Variants in INPPL1 observed in about 807,000 individuals in gnomAD.
INPPL1 encodes the protein phosphatidylinositol 3,4,5-trisphosphate 5-phosphatase 2.
INPPL1 carries 91 observed loss-of-function variants against 139.3 expected under a neutral mutation model. The ratio of observed to expected loss-of-function variants is 0.65; its 90% confidence interval spans 0.55 to 0.78. The LOEUF (loss-of-function observed/expected upper bound fraction) is 0.78, where lower values mean the gene tolerates loss of function less well. Among genes scored for constraint, INPPL1 ranks in the 30% least tolerant of loss-of-function variants. The probability of loss-of-function intolerance (pLI) is 0.00; values close to 1 mark genes in which losing one functional copy is unlikely to be tolerated. For synonymous variants in INPPL1, 719 were observed against 686.6 expected, an observed-to-expected ratio of 1.05 and a Z score of -0.74; for missense variants, 1,411 against 1,665.6, an observed-to-expected ratio of 0.85 and a Z score of 2.66.
Position 72,235,891 on chromosome 11 carries a change from C to G in INPPL1, c.2784C>G (p.Leu928=). The G allele has an allele frequency of 6.2e-7, 1 of 1,613,384 alleles. No homozygotes were observed. Among genetic ancestry groups the G allele is most frequent in the Non-Finnish European group, 8.5e-7 (1 of 1,179,870 alleles). ...KPAFTEASCP[L]SRLFEEPEKP... ...CCTTCACAGAGGCCTCCTGCCCGCT[C>G]TCCAGGTTATTTGAAGAACCAGAGA... Residue 928 remains leucine, a synonymous_variant, in exon 25 of 28, where the codon CTC becomes CTG. Transcript: ENST00000298229. The surrounding 1 kb of genome is among the most constrained non-coding windows in gnomAD (Gnocchi z 4.9).
chr11:72,225,004 C>T lies in INPPL1; in HGVS notation c.20C>T (p.Ala7Val). 5.8e-6 allele frequency: 7 copies of T among 1,203,220 alleles called. No homozygotes were observed. The highest frequency in any genetic ancestry group is 7.2e-6 in the Non-Finnish European group (7 of 970,008). The allele number at this position is 1,203,220 out of a possible 1,614,324, so 74.5% of individuals were successfully genotyped here. Residue 7 changes from alanine to valine, a missense_variant, in exon 1 of 28, where the codon GCG becomes GTG. Ala to Val is a moderately conservative substitution (Grantham distance 64, BLOSUM62 0). This residue lies in a region of INPPL1 where 504 missense variants were observed against 595.6 expected (regional missense o/e 0.85). Transcript: ENST00000298229. ...CGGGCCATGGCCTCGGCCTGCGGGG[C>T]GCCGGGCCCGGGGGGCGCCCTGGGC... MASACG[A>V]PGPGGALGSQ...
rs576336397 is a variant in INPPL1 at position 72,224,966 on chromosome 11, G to T, written c.-19G>T. The T allele has an allele frequency of 1.4e-4, 162 of 1,121,568 alleles. 1 individual carries two copies. In the African/African-American group the frequency reaches 2.3e-3, roughly 16 times the overall value. 69.5% of individuals were successfully genotyped at this position (1,121,568 alleles called of 1,614,324 possible). A position where few individuals can be genotyped will look rare whatever the true frequency, so the allele number is the denominator to read the frequency against. On this transcript the variant is annotated 5_prime_UTR_variant, in exon 1 of 28. Transcript: ENST00000298229. ...GCGCGGGGCGGCGGGGGCGGGCGGTGCTGAGCCCTGCGCGGGCCATGGCCT... is the reference window on the plus strand; with the variant it reads ...GCGCGGGGCGGCGGGGGCGGGCGGTTCTGAGCCCTGCGCGGGCCATGGCCT...
chr11:72,231,392 C>A, intron 12 of INPPL1, 106 bp from the exon 13 acceptor site: 1 of 1,029,566 alleles, frequency 9.7e-7, no homozygotes, highest in Non-Finnish European at 1.5e-6. Context: ...AGAGGGGTGG[C>A]AAGCCTTCCT....
At chr11:72,233,054 C>A in intron 16 of INPPL1, 21 bp from the exon 17 acceptor site, 1 of 1,612,484 alleles carries the variant, frequency 6.2e-7, no homozygotes, top group Non-Finnish European at 8.5e-7. Flanking sequence ...CTGAACCCCA[C>A]CTGTCTCCTG....
chr11:72,229,059 C>T, intron 4 of INPPL1, 31 bp from the exon 5 acceptor site: 1 of 1,582,126 alleles, frequency 6.3e-7, no homozygotes, highest in African/African-American at 1.3e-5. Flanking sequence ...GTCAGCAGGA[C>T]CTCCACTGAC....
chr11:72,238,301 A>G lies in INPPL1; in HGVS notation c.3725A>G (p.Gln1242Arg), dbSNP rs1196989478. 1 of 1,601,130 alleles carries G rather than the reference A, an allele frequency of 6.2e-7. No individual in the cohort carries two copies. Among genetic ancestry groups the G allele is most frequent in the South Asian group, 1.1e-5 (1 of 89,462 alleles). ...TEEDLEEAGV[Q>R]DPAHKRLLLD... The stretch of plus-strand genomic sequence containing the variant: ...GAGGACTTGGAGGAGGCTGGGGTGC[A>G]GGACCCGGCTCACAAGCGCCTCCTT... The change falls in exon 28 of 28, where the codon CAG becomes CGG. Residue 1242 changes from glutamine (Q) to arginine (R), a missense_variant. Around this residue, in one of 5 missense-constraint regions of INPPL1, gnomAD observed 438 missense variants for 425.7 expected, o/e 1.03. Coordinates refer to ENST00000298229, the MANE Select transcript of INPPL1 (RefSeq NM_001567.4).
At position 72,235,910 on chromosome 11, in the gene INPPL1, C is replaced by T. The variant is rs763249581; in HGVS notation, c.2803C>T (p.Pro935Ser). 1 of 1,613,122 alleles carries T rather than the reference C, an allele frequency of 6.2e-7. No homozygotes were observed. The highest frequency in any genetic ancestry group is 1.3e-5 in the African/African-American group (1 of 75,066). Residue 935 changes from proline (P) to serine (S), a missense_variant, in exon 25 of 28, where the codon CCA (proline) becomes TCA (serine). Pro to Ser is a moderately conservative substitution (Grantham distance 74). Coordinates refer to ENST00000298229, the MANE Select transcript of INPPL1 (RefSeq NM_001567.4). This position sits in a 1 kb window ranked among gnomAD's most constrained non-coding sequence, Gnocchi z 4.9. The part of the protein sequence containing the change: ...SCPLSRLFEE[P>S]EKPPPTGRPP... ...CCCGCTCTCCAGGTTATTTGAAGAA[C>T]CAGAGAAACCGCCACCAACGGGGAG...
At position 72,225,179 on chromosome 11, in the gene INPPL1, G is replaced by A. The variant is rs1948633341; in HGVS notation, c.182+13G>A. The A allele has an allele frequency of 1.6e-6, 2 of 1,226,758 alleles. No homozygotes were observed. The highest frequency in any genetic ancestry group is 3.1e-4 in the Middle Eastern group (1 of 3,216). The allele number at this position is 1,226,758 out of a possible 1,614,324, so 76.0% of individuals were successfully genotyped here. ...CGCTCTGCGTCCTGTGAGTGGGGCG[G>A]GGGCTCCTTGCGGGCTGGCGTGGAC... is the stretch of plus-strand genomic sequence containing the variant. On this transcript the variant is annotated intron_variant, in intron 1 of 27. Transcript: ENST00000298229.
Position 72,237,133 on chromosome 11 carries a change from A to G in INPPL1, c.2889A>G (p.Pro963=). 1.3e-6 allele frequency: 2 copies of G among 1,586,136 alleles called. No individual in the cohort carries two copies. Among genetic ancestry groups the G allele is most frequent in the Non-Finnish European group, 1.7e-6 (2 of 1,162,570 alleles). ...CTGCTTCCACACCCAGGTTGAAGCC[A>G]GAGGGAGCTCCTGAACCAGAAGGGG... ...REEPLTPRLK[P]EGAPEPEGVA... Residue 963 remains proline (P), a synonymous_variant, in exon 26 of 28, where the codon CCA becomes CCG. Coordinates refer to ENST00000298229, the MANE Select transcript of INPPL1 (RefSeq NM_001567.4).
At chr11:72,236,128 T>G in intron 25 of INPPL1, 142 bp downstream of exon 25, 1 of 599,140 alleles carries the variant, frequency 1.7e-6, no homozygotes, top group Non-Finnish European at 3.0e-6. Context: ...TGCCATGGCC[T>G]TATGCCTGTG....
In INPPL1 at chr11:72,234,425, C is replaced by T; in HGVS notation, c.2326+31C>T. On this transcript the variant is annotated intron_variant, in intron 20 of 27. Transcript: ENST00000298229. The surrounding 1 kb of genome is among the most constrained non-coding windows in gnomAD (Gnocchi z 4.2). The stretch of plus-strand genomic sequence containing the variant: ...AGGCGTGGCAGGGGCTGGGTGTGGG[C>T]CAAGGAGGATGGGAGGCAAGAGGGT... 6.2e-7 allele frequency: 1 copy of T among 1,601,940 alleles called. No homozygotes were observed. The highest frequency in any genetic ancestry group is 8.6e-7 in the Non-Finnish European group (1 of 1,169,032).
rs1214734169 is a variant in INPPL1, at chr11:72,229,228, C to T, written c.657C>T (p.His219=). ...TCGCTACCTCATGCCGGAGGCTGCA[C>T]AGGTATCTGGGACATCCAGCCCCAT... ...RTLATSCRRL[H]SEVDKVLSGL... The change falls in exon 5 of 28, where the codon CAC becomes CAT. Residue 219 remains histidine, a splice_region_variant and synonymous_variant. Coordinates refer to ENST00000298229, the MANE Select transcript of INPPL1 (RefSeq NM_001567.4). The T allele has an allele frequency of 1.9e-6, 3 of 1,606,742 alleles. No homozygotes were observed. The highest frequency in any genetic ancestry group is 2.6e-6 in the Non-Finnish European group (3 of 1,175,972).
At position 72,233,521 on chromosome 11, in the gene INPPL1, T is replaced by TG; in HGVS notation, c.2122+1dup. ...AAACTCACATCATCTGCAATTCTTATGGTCAGAGCCTCCCGGACAGAGTGA... is the reference window on the plus strand; with the variant it reads ...AAACTCACATCATCTGCAATTCTTATGGGTCAGAGCCTCCCGGACAGAGTGA... On this transcript the variant is annotated frameshift_variant and splice_region_variant, in exon 18 of 28. Transcript: ENST00000298229. LOFTEE classifies it high-confidence loss of function. 6.2e-7 allele frequency: 1 copy of TG among 1,613,918 alleles called. No individual in the cohort carries two copies. The highest frequency in any genetic ancestry group is 8.5e-7 in the Non-Finnish European group (1 of 1,179,798).
upstream of INPPL1, chr11:72,224,051 C>G (rs560423822): frequency 6.6e-6 from 1 of 152,152 alleles, no homozygotes; most frequent in African/African-American, 2.4e-5. Flanking sequence ...TGCTGAACCC[C>G]CTCAAGGCCC....
Position 72,237,507 on chromosome 11 carries a change from C to T in INPPL1, c.3263C>T (p.Pro1088Leu). 1.2e-6 allele frequency: 2 copies of T among 1,609,024 alleles called. No individual in the cohort carries two copies. The highest frequency in any genetic ancestry group is 1.7e-6 in the Non-Finnish European group (2 of 1,177,010). The change falls in exon 26 of 28, where the codon CCA (proline) becomes CTA (leucine). Residue 1088 changes from proline (P) to leucine (L), a missense_variant. Pro to Leu is a moderately conservative substitution (Grantham distance 98). Around this residue, in one of 5 missense-constraint regions of INPPL1, gnomAD observed 438 missense variants for 425.7 expected, o/e 1.03. Transcript: ENST00000298229. ...RGRGGAEARGPPPPKAHPRPP... is the reference protein window; with the variant it reads ...RGRGGAEARGLPPPKAHPRPP... The stretch of plus-strand genomic sequence containing the variant: ...CGTGGTGGGGCTGAGGCCCGTGGCC[C>T]ACCACCTCCCAAGGCCCATCCAAGG...
chr11:72,238,590 C>T lies in INPPL1; in HGVS notation c.*237C>T, dbSNP rs1395215618. 3 of 390,762 alleles carry T rather than the reference C, an allele frequency of 7.7e-6. No homozygotes were observed. Among genetic ancestry groups the T allele is most frequent in the Admixed American group, 4.6e-5 (1 of 21,858 alleles). 24.2% of individuals were successfully genotyped at this position (390,762 alleles called of 1,614,324 possible). On this transcript the variant is annotated 3_prime_UTR_variant, in exon 28 of 28. Transcript: ENST00000298229. ...GACGGAAGGTCAGTTGCCATGGTTA[C>T]CGAGGACCCTGGTTACTCTGGTGCT...
chr11:72,232,537 C>T, intron 14 of INPPL1, 89 bp from the exon 15 acceptor site: 1 of 1,511,240 alleles, frequency 6.6e-7, no homozygotes, highest in Non-Finnish European at 9.1e-7. Flanking sequence ...ATCCCTGACT[C>T]CTGAGACTTC....
intron 13 of INPPL1, 71 bp from the exon 14 acceptor site, chr11:72,232,169 G>T: frequency 8.0e-7 from 1 of 1,242,924 alleles, no homozygotes; most frequent in Non-Finnish European, 1.2e-6. Context: ...CTGCAGCTTT[G>T]AGAGGCAGAA....
At position 72,230,399 on chromosome 11, in the gene INPPL1, G is replaced by C. The variant is rs1400382123; in HGVS notation, c.1128G>C (p.Lys376Asn). 2 of 1,614,154 alleles carry C rather than the reference G, an allele frequency of 1.2e-6. No homozygotes were observed. The highest frequency in any genetic ancestry group is 1.7e-6 in the Non-Finnish European group (2 of 1,180,046). The change falls in exon 10 of 28, where the codon AAG becomes AAC. Residue 376 changes from lysine (K) to asparagine (N), a missense_variant. Around this residue, in one of 5 missense-constraint regions of INPPL1, gnomAD observed 504 missense variants for 595.6 expected, o/e 0.85. Transcript: ENST00000298229. The stretch of plus-strand genomic sequence containing the variant: ...TTAAGTCCCAGCGTGTCCAGAACAA[G>C]CTGGGTGTTGTGTTTGAGAAGGAGA... ...QLIKSQRVQNKLGVVFEKEKD... is the reference protein window; with the variant it reads ...QLIKSQRVQNNLGVVFEKEKD...
Sources: allele counts gnomAD v4.1 joint callset, GRCh38; gene constraint gnomAD v4.1.1; regional missense constraint gnomAD v4.1.1; non-coding constraint Gnocchi (gnomAD v3.1); transcripts MANE v1.5; gene names NCBI Gene and HGNC (gene_info 2026-07-23, HGNC 2026-07-21).